Variants in WDFY3 observed in about 807,000 individuals in gnomAD.
WDFY3 encodes WD repeat and FYVE domain-containing protein 3.
WDFY3 carries 66 observed loss-of-function variants against 409.6 expected under a neutral mutation model. The observed-to-expected ratio is 0.16, with a 90% CI of 0.13 to 0.20. The LOEUF (loss-of-function observed/expected upper bound fraction) is 0.20. Among genes scored for constraint, WDFY3 ranks in the 10% least tolerant of loss-of-function variants. The pLI is 1.00. For synonymous variants in WDFY3, 1,521 were observed against 1,537.1 expected (o/e 0.99, Z 0.25); for missense variants, 3,031 against 4,298.1 (o/e 0.71, Z 8.24).
At chr4:84,794,498 A>G in intron 21 of WDFY3, 21 bp downstream of exon 21, 1 of 1,597,832 alleles carries the variant, frequency 6.3e-7, no homozygotes. Context: ...TCAAAAGAAG[A>G]AAACAAAAAA....
Position 84,778,544 on chromosome 4 carries a change from GAAT to G in WDFY3, c.4474_4476del (p.Ile1492del), listed in dbSNP as rs769232591. The G allele has an allele frequency of 6.2e-7, 1 of 1,608,288 alleles. No homozygotes were observed. ...AGGTCCTGGAAAGCAGTTGAATTTG[GAAT>G]AATGGAGGTCTCATGTCCACTATCA... On this transcript the variant is annotated inframe_deletion, in exon 27 of 68. Transcript: ENST00000295888.
rs139578432 is a variant in WDFY3, at chr4:84,688,233, G to A, written c.9396C>T (p.Cys3132=). Residue 3132 remains cysteine (C), a synonymous_variant, in exon 62 of 68, where the codon TGC becomes TGT. Transcript: ENST00000295888. ...TGTGATAGGCTAATGATGCTGTGGC[G>A]CAGGTGACGGTATCAGTGTGGCCCA... ...ALLGHTDTVT[C]ATASLAYHII... is the part of the protein sequence containing the mutation. The A allele has an allele frequency of 2.0e-4, 321 of 1,614,068 alleles. 1 individual carries two copies. The highest frequency in any genetic ancestry group is 2.3e-4 in the Non-Finnish European group (269 of 1,179,984).
At chr4:84,717,664 G>C (rs1256795341) in intron 48 of WDFY3, among the ~76,000 whole-genome samples, 1 of 152,106 alleles carries the variant, frequency 6.6e-6, no homozygotes, top group African/African-American at 2.4e-5. Flanking sequence ...CACAGGACTG[G>C]TAGAAGAAAA....
chr4:84,789,954 C>T (rs1161915115), intron 21 of WDFY3, 47 bp from the exon 22 acceptor site: 1 of 1,585,242 alleles, frequency 6.3e-7, no homozygotes, highest in African/African-American at 1.4e-5. Flanking sequence ...AACACCATCC[C>T]TATTCAAATT....
chr4:84,720,387 T>C (rs1353121847), intron 47 of WDFY3, among the ~76,000 whole-genome samples: 1 of 152,164 alleles, frequency 6.6e-6, no homozygotes, highest in East Asian at 1.9e-4. Context: ...ATAAAGGTTA[T>C]GCAAGTAAAA....
At position 84,860,393 on chromosome 4, in the gene WDFY3, T is replaced by G; in HGVS notation, c.180+19A>C. On this transcript the variant is annotated intron_variant, in intron 4 of 67. Coordinates refer to ENST00000295888, the MANE Select transcript of WDFY3 (RefSeq NM_014991.6). ...GCCCCCCAGTCCCGGAAGGTGTGTG[T>G]CTGGCAACCTGGACTTACCCTGTTA... is the stretch of plus-strand genomic sequence containing the variant. 6.2e-7 allele frequency: 1 copy of G among 1,601,834 alleles called. No individual in the cohort carries two copies. Among genetic ancestry groups the G allele is most frequent in the South Asian group, 1.1e-5 (1 of 90,176 alleles).
At chr4:84,822,301 T>C (rs572946955) in intron 10 of WDFY3, among the ~76,000 whole-genome samples, 1 of 152,146 alleles carries the variant, frequency 6.6e-6, no homozygotes, top group Non-Finnish European at 1.5e-5. Flanking sequence ...TAGGAGTATA[T>C]GGCATTTCCA....
Position 84,780,157 on chromosome 4 carries a change from T to C in WDFY3, c.4316A>G (p.Lys1439Arg). ...AAVKALVCVV[K>R]SNPLASKEME... ...TTCTTTGCTGGCTAGTGGGTTACTC[T>C]TGACCACACAAACCAGGGCCTTGAC... Residue 1439 changes from lysine (K) to arginine (R), a missense_variant, in exon 26 of 68, where the codon AAG becomes AGG. Lys to Arg is a conservative substitution (Grantham distance 26). This residue lies in a region of WDFY3 where 55 missense variants were observed against 124.1 expected (regional missense o/e 0.44). Transcript: ENST00000295888. 6.2e-7 allele frequency: 1 copy of C among 1,613,204 alleles called. No homozygotes were observed.
intron 26 of WDFY3, among the ~76,000 whole-genome samples, chr4:84,778,946 C>T (rs977327869): frequency 6.6e-6 from 1 of 152,040 alleles, no homozygotes; most frequent in South Asian, 2.1e-4. Context: ...TAAATAGTTA[C>T]CAACGCGTGC....
chr4:84,965,122 T>C (rs1169036717), intron 1 of WDFY3, among the ~76,000 whole-genome samples: 1 of 152,240 alleles, frequency 6.6e-6, no homozygotes, highest in Non-Finnish European at 1.5e-5. Flanking sequence ...TTAGCACATT[T>C]TTAGTTCTGT....
chr4:84,740,468 T>G, intron 38 of WDFY3, 52 bp from the exon 39 acceptor site: 1 of 1,563,428 alleles, frequency 6.4e-7, no homozygotes, highest in Non-Finnish European at 8.8e-7. Flanking sequence ...GTAAAACACC[T>G]GTTAATCATT....
At chr4:84,829,810 A>AAATAAATAAAT (rs1553975900) in intron 8 of WDFY3, among the ~76,000 whole-genome samples, 4 of 138,694 alleles carry the variant, frequency 2.9e-5, no homozygotes, top group South Asian at 4.6e-4. Context: ...AGACTGTCTC[A>AAATAAATAAAT]AAATAAATAA....
intron 36 of WDFY3, among the ~76,000 whole-genome samples, chr4:84,746,441 T>C (rs1739461110): frequency 6.6e-6 from 1 of 152,238 alleles, no homozygotes; most frequent in African/African-American, 2.4e-5. Context: ...AAAGGGACTA[T>C]TAAACGTACA....
At chr4:84,941,045 A>T (rs1298727413) in intron 1 of WDFY3, among the ~76,000 whole-genome samples, 1 of 152,074 alleles carries the variant, frequency 6.6e-6, no homozygotes, top group Non-Finnish European at 1.5e-5. Context: ...TCTTTAAAAC[A>T]GATATAGCTA....
At chr4:84,944,760 C>G (rs1772596738) in intron 1 of WDFY3, among the ~76,000 whole-genome samples, 1 of 152,020 alleles carries the variant, frequency 6.6e-6, no homozygotes, top group Non-Finnish European at 1.5e-5. Flanking sequence ...CCACTGCACT[C>G]CAGCCTGGGC....
In WDFY3 at chr4:84,721,493, G is replaced by T; in HGVS notation, c.7521C>A (p.Asp2507Glu). 6.2e-7 allele frequency: 1 copy of T among 1,612,858 alleles called. No individual in the cohort carries two copies. Reference protein sequence around the residue: ...GDEENQEQLQDQIAEGSSIEE... With the variant: ...GDEENQEQLQEQIAEGSSIEE... Reference sequence around the variant, plus strand: ...CTATGGAGCTGCCCTCAGCAATCTGGTCTTGTAGCTGCTCCTGGTTCTCCT... The same window carrying T: ...CTATGGAGCTGCCCTCAGCAATCTGTTCTTGTAGCTGCTCCTGGTTCTCCT... The change falls in exon 47 of 68, where the codon GAC (aspartate) becomes GAA (glutamate). Residue 2507 changes from aspartate (D) to glutamate (E), a missense_variant. This residue lies in a region of WDFY3 where 127 missense variants were observed against 144.4 expected (regional missense o/e 0.88). Coordinates refer to ENST00000295888, the MANE Select transcript of WDFY3 (RefSeq NM_014991.6).
chr4:84,729,567 T>C (rs1364071665), intron 44 of WDFY3, among the ~76,000 whole-genome samples: 1 of 151,954 alleles, frequency 6.6e-6, no homozygotes, highest in East Asian at 1.9e-4. Flanking sequence ...ATGTTCCATA[T>C]TCTATACACA....
intron 3 of WDFY3, among the ~76,000 whole-genome samples, chr4:84,874,978 T>C (rs1215687655): frequency 6.6e-6 from 1 of 151,916 alleles, no homozygotes; most frequent in Non-Finnish European, 1.5e-5. Flanking sequence ...TGTAACACAA[T>C]GGTATTTGTA....
At position 84,746,255 on chromosome 4, in the gene WDFY3, T is replaced by C. The variant is rs117677177; in HGVS notation, c.5974-2456A>G. Among the ~76,000 whole-genome samples the C allele has an allele frequency of 2.6e-5, 4 of 151,676 alleles. No individual in the cohort carries two copies. In the East Asian group the frequency reaches 5.8e-4, roughly 22 times the overall value. Reference sequence around the variant, plus strand: ...TTGATTGACCTCAGCAGGTCAAGGATGCAATGAGCCATGACTGTGCCACTG... The same window carrying C: ...TTGATTGACCTCAGCAGGTCAAGGACGCAATGAGCCATGACTGTGCCACTG... On this transcript the variant is annotated intron_variant, in intron 36 of 67. Transcript: ENST00000295888.
Sources: allele counts gnomAD v4.1 joint callset (sites outside exome capture counted in the v4.1 genomes callset), GRCh38; gene constraint gnomAD v4.1.1; regional missense constraint gnomAD v4.1.1; transcripts MANE v1.5; gene names NCBI Gene and HGNC (gene_info 2026-07-23, HGNC 2026-07-21).